The following FCN1 variants were observed in gnomAD, a reference collection of about 807,000 sequenced individuals.
FCN1 encodes ficolin-1.
In FCN1, 42 loss-of-function variants were observed where a neutral mutation model predicts 35.6. That is an observed-to-expected ratio of 1.18 (90% CI 0.92 to 1.53). The LOEUF is 1.53. FCN1 is among the 40% of genes most tolerant of loss of function. FCN1 has a pLI of 0.00. For synonymous variants in FCN1, 179 were observed against 169.8 expected (o/e 1.05, Z -0.42); for missense variants, 439 against 428.4 (o/e 1.02, Z -0.22).
rs368726342 is a variant in FCN1, at chr9:134,914,736, G to T, written c.271+20C>A. On this transcript the variant is annotated intron_variant, in intron 3 of 8. Transcript: ENST00000371806. Reference sequence around the variant, plus strand: ...CAAGGTCCCTGCTCAAGGCCTCCTCGCTGTCTGTCCCCTGGTTACCTTTGG... The same window carrying T: ...CAAGGTCCCTGCTCAAGGCCTCCTCTCTGTCTGTCCCCTGGTTACCTTTGG... 7 of 1,599,610 alleles carry T rather than the reference G, an allele frequency of 4.4e-6. No homozygotes were observed. In the Admixed American group the frequency reaches 1.0e-4, roughly 23 times the overall value.
At position 134,909,099 on chromosome 9, in the gene FCN1, T is replaced by G; in HGVS notation, c.*699A>C. On this transcript the variant is annotated 3_prime_UTR_variant, in exon 9 of 9. Coordinates refer to ENST00000371806, the MANE Select transcript of FCN1 (RefSeq NM_002003.5). ...TTTCCCACTGAGGTCCGCGGTCCCC[T>G]CTAGCTGAGGTCTGTGTGTGGGAGG... The G allele has an allele frequency of 1.2e-6, 1 of 829,044 alleles. No individual in the cohort carries two copies. The highest frequency in any genetic ancestry group is 1.7e-6 in the Non-Finnish European group (1 of 601,522). 51.4% of individuals were successfully genotyped at this position (829,044 alleles called of 1,614,324 possible).
intron 1 of FCN1, among the ~76,000 whole-genome samples, chr9:134,916,739 G>T (rs2118945295): frequency 6.6e-6 from 1 of 152,354 alleles, no homozygotes; most frequent in African/African-American, 2.4e-5. Context: ...GCCAGGATTT[G>T]GTTAAAGAAT....
At chr9:134,910,980 C>A (rs940147094) in intron 8 of FCN1, among the ~76,000 whole-genome samples, 153 bp downstream of exon 8, 1 of 152,188 alleles carries the variant, frequency 6.6e-6, no homozygotes, top group Non-Finnish European at 1.5e-5. Flanking sequence ...GTGAGCCCCA[C>A]GCTGTACAGA....
chr9:134,910,190 G>A, intron 8 of FCN1, 145 bp from the exon 9 acceptor site: 1 of 771,558 alleles, frequency 1.3e-6, no homozygotes, highest in Non-Finnish European at 2.2e-6. Context: ...ACCCACCCAG[G>A]CCTTGGAGGA....
chr9:134,912,694 C>A, intron 6 of FCN1, 79 bp from the exon 7 acceptor site: 1 of 1,590,634 alleles, frequency 6.3e-7, no homozygotes, highest in South Asian at 1.1e-5. Context: ...TCCAGAGGAG[C>A]AGCATTTGTA....
rs546638864 is a variant in FCN1, at chr9:134,910,931, C to T, written c.733+202G>A. 3.9e-4 allele frequency among the ~76,000 whole-genome samples: 59 copies of T among 152,310 alleles called. 1 individual carries two copies. In the South Asian group the frequency reaches 1.0e-2, roughly 26 times the overall value. On this transcript the variant is annotated intron_variant, in intron 8 of 8. Coordinates refer to ENST00000371806, the MANE Select transcript of FCN1 (RefSeq NM_002003.5). ...AGCCCTGCCCAGGCAGCTCACTGTG[C>T]GGCAGACATAGCCTTAGGAATACCA... is the stretch of plus-strand genomic sequence containing the variant.
In FCN1 at chr9:134,907,030, C is replaced by T. The variant is rs893578439; in HGVS notation, c.*2768G>A. 6.6e-6 allele frequency: 1 copy of T among 152,160 alleles called. No individual in the cohort carries two copies. The highest frequency in any genetic ancestry group is 1.5e-5 in the Non-Finnish European group (1 of 68,038). 9.4% of individuals were successfully genotyped at this position (152,160 alleles called of 1,614,324 possible). A position where few individuals can be genotyped will look rare whatever the true frequency, so the allele number is the denominator to read the frequency against. ...GAGATTGCAGTGAGCTGAGATCACGCCACTGCACTCCAGCCTGGGTGGCAG... is the reference window on the plus strand; with the variant it reads ...GAGATTGCAGTGAGCTGAGATCACGTCACTGCACTCCAGCCTGGGTGGCAG... On this transcript the variant is annotated 3_prime_UTR_variant, in exon 9 of 9. Coordinates refer to ENST00000371806, the MANE Select transcript of FCN1 (RefSeq NM_002003.5).
chr9:134,914,251 C>G, intron 4 of FCN1, 134 bp downstream of exon 4: 1 of 817,876 alleles, frequency 1.2e-6, no homozygotes, highest in Admixed American at 1.8e-5. Flanking sequence ...GCCCGCTGGA[C>G]TCCTTCCACC....
chr9:134,912,915 T>A, intron 6 of FCN1, 101 bp downstream of exon 6: 1 of 1,515,756 alleles, frequency 6.6e-7, no homozygotes, highest in South Asian at 1.2e-5. Flanking sequence ...ATTGTCCCCA[T>A]CCAGGGGAAT....
In FCN1 at chr9:134,907,443, T is replaced by G. The variant is rs1428091060; in HGVS notation, c.*2355A>C. ...GTGGAACATAACATGTACTCAAAAG[T>G]GTATAAAGCAAAAGTACAGCTTAAT... On this transcript the variant is annotated 3_prime_UTR_variant, in exon 9 of 9. Transcript: ENST00000371806. 6.6e-6 allele frequency: 1 copy of G among 152,196 alleles called. No homozygotes were observed. Among genetic ancestry groups the G allele is most frequent in the African/African-American group, 2.4e-5 (1 of 41,438 alleles). 9.4% of individuals were successfully genotyped at this position (152,196 alleles called of 1,614,324 possible). A position where few individuals can be genotyped will look rare whatever the true frequency, so the allele number is the denominator to read the frequency against.
chr9:134,914,854 C>T, intron 2 of FCN1, 45 bp from the exon 3 acceptor site: 6 of 1,492,058 alleles, frequency 4.0e-6, no homozygotes, highest in Non-Finnish European at 5.6e-6. Flanking sequence ...GCAACCTAAA[C>T]AATTCTCCCT....
chr9:134,914,339 G>A, intron 4 of FCN1, 46 bp downstream of exon 4: 1 of 1,588,300 alleles, frequency 6.3e-7, no homozygotes, highest in South Asian at 1.1e-5. Context: ...CCCCTCCCCT[G>A]GACAAAGCCT....
rs200423690 is a variant in FCN1 at position 134,911,135 on chromosome 9, G to A, written c.731C>T (p.Ala244Val). 18 of 1,613,804 alleles carry A rather than the reference G, an allele frequency of 1.1e-5. No homozygotes were observed. Among genetic ancestry groups the A allele is most frequent in the Admixed American group, 1.7e-5 (1 of 59,986 alleles). ...ACCAGCCCCAAGCAGACACTCACCC[G>A]CACTGCCCCCGACAAAGGCTCCCAG... ...LVLGAFVGGS[A>V]GNSLTGHNNN... Residue 244 changes from alanine (A) to valine (V), a missense_variant and splice_region_variant, in exon 8 of 9, where the codon GCG becomes GTG. Transcript: ENST00000371806.
chr9:134,913,494 C>A, intron 5 of FCN1, 87 bp downstream of exon 5: 1 of 1,079,600 alleles, frequency 9.3e-7, no homozygotes. Context: ...AGGGTTCTGT[C>A]CTTAGATTCC....
rs779768098 is a variant in FCN1 at position 134,912,970 on chromosome 9, C to T, written c.468+46G>A. On this transcript the variant is annotated intron_variant, in intron 6 of 8. Coordinates refer to ENST00000371806, the MANE Select transcript of FCN1 (RefSeq NM_002003.5). ...TCTACAACCAGGTGTGCAGCCTGGC[C>T]TCCGGGACTCCCAGGCTGACCGCCT... is the stretch of plus-strand genomic sequence containing the variant. 4.4e-6 allele frequency: 7 copies of T among 1,590,788 alleles called. No individual in the cohort carries two copies. The South Asian group carries it at 7.9e-5, about 18-fold the overall frequency.
Position 134,909,517 on chromosome 9 carries a change from G to T in FCN1, c.*281C>A. 7.4e-7 allele frequency: 1 copy of T among 1,359,012 alleles called. No individual in the cohort carries two copies. The highest frequency in any genetic ancestry group is 9.7e-7 in the Non-Finnish European group (1 of 1,034,244). The allele number at this position is 1,359,012 out of a possible 1,614,324, so 84.2% of individuals were successfully genotyped here. Reference sequence around the variant, plus strand: ...ACCAAATTCCAGGGAAAGACCTGCCGTGCAACAGACACAGGAAAGTGATCA... The same window carrying T: ...ACCAAATTCCAGGGAAAGACCTGCCTTGCAACAGACACAGGAAAGTGATCA... On this transcript the variant is annotated 3_prime_UTR_variant, in exon 9 of 9. Coordinates refer to ENST00000371806, the MANE Select transcript of FCN1 (RefSeq NM_002003.5).
intron 2 of FCN1, 113 bp from the exon 3 acceptor site, chr9:134,914,922 C>T (rs1831072902): frequency 1.3e-6 from 1 of 762,514 alleles, no homozygotes; most frequent in Non-Finnish European, 2.2e-6. Context: ...CCTTGAACCC[C>T]TTCTGGTTCC....
At chr9:134,912,639 G>A (rs762265796) in intron 6 of FCN1, 24 bp from the exon 7 acceptor site, 10 of 1,614,042 alleles carry the variant, frequency 6.2e-6, no homozygotes, top group Non-Finnish European at 7.6e-6. Context: ...AGGATACAGA[G>A]TTAGGCGGGG....
rs150223979 is a variant in FCN1, at chr9:134,914,801, C to G, written c.226G>C (p.Gly76Arg). The G allele has an allele frequency of 6.2e-7, 1 of 1,611,996 alleles. No individual in the cohort carries two copies. Among genetic ancestry groups the G allele is most frequent in the South Asian group, 1.1e-5 (1 of 90,660 alleles). The change falls in exon 3 of 9, where the codon GGT (glycine) becomes CGT (arginine). Residue 76 changes from glycine (G) to arginine (R), a missense_variant. Gly to Arg is a moderately radical substitution (Grantham distance 125). Coordinates refer to ENST00000371806, the MANE Select transcript of FCN1 (RefSeq NM_002003.5). ...GCCTTTCCAGGGGCTCCAGGGAGACCGCGTTCTCCTGAAAATTCCAAAGAC... is the reference window on the plus strand; with the variant it reads ...GCCTTTCCAGGGGCTCCAGGGAGACGGCGTTCTCCTGAAAATTCCAAAGAC... Reference protein sequence around the residue: ...AGVIGERGERGLPGAPGKAGP... With the variant: ...AGVIGERGERRLPGAPGKAGP...
Sources: gnomAD v4.1 joint callset for allele counts (sites outside exome capture counted in the v4.1 genomes callset) on GRCh38, gnomAD v4.1.1 for gene constraint, MANE v1.5 for transcripts, NCBI Gene and HGNC (gene_info 2026-07-23, HGNC 2026-07-21) for gene names.